Variants in SREK1IP1 observed in about 807,000 individuals in gnomAD.
The protein encoded by SREK1IP1 is protein SREK1IP1.
SREK1IP1 carries 12 observed loss-of-function variants against 22.8 expected under a neutral mutation model. The observed-to-expected ratio is 0.53, with a 90% CI of 0.34 to 0.85. SREK1IP1 has a LOEUF of 0.85. SREK1IP1 is among the 40% of genes least tolerant of loss of function. The pLI, the probability that SREK1IP1 is intolerant of heterozygous loss-of-function variation, is 0.02. For synonymous variants in SREK1IP1, 53 were observed against 52.7 expected, an observed-to-expected ratio of 1.01 and a Z score of -0.02; for missense variants, 147 against 171.8, an observed-to-expected ratio of 0.86 and a Z score of 0.81.
intron 3 of SREK1IP1, among the ~76,000 whole-genome samples, chr5:64,737,508 A>C (rs1227152026): frequency 2.0e-5 from 1 of 49,642 alleles, no homozygotes; most frequent in Admixed American, 2.0e-4. Context: ...TCATACTGTC[A>C]AAAAAAAAAA....
At chr5:64,759,624 C>G (rs1002288547) in intron 1 of SREK1IP1, among the ~76,000 whole-genome samples, 1 of 152,018 alleles carries the variant, frequency 6.6e-6, no homozygotes, top group Non-Finnish European at 1.5e-5. Flanking sequence ...CAAAAAAGAG[C>G]AATTATCCCT....
intron 4 of SREK1IP1, among the ~76,000 whole-genome samples, chr5:64,725,485 C>T (rs1409801253): frequency 6.6e-6 from 1 of 152,088 alleles, no homozygotes; most frequent in African/African-American, 2.4e-5. Context: ...AAATCTGAGA[C>T]GGATATAAAG....
At chr5:64,751,894 T>TAA (rs1486587034) in intron 2 of SREK1IP1, among the ~76,000 whole-genome samples, 51 of 152,160 alleles carry the variant, frequency 3.4e-4, no homozygotes, top group Non-Finnish European at 1.3e-4. Flanking sequence ...TATATTTATG[T>TAA]AAAATGTTAA....
At chr5:64,749,511 A>G (rs1742705702) in intron 2 of SREK1IP1, among the ~76,000 whole-genome samples, 1 of 151,550 alleles carries the variant, frequency 6.6e-6, no homozygotes, top group South Asian at 2.1e-4. Flanking sequence ...ATCTTAGCTC[A>G]CTACAACCTC....
At chr5:64,728,035 A>G in intron 4 of SREK1IP1, 72 bp downstream of exon 4, 1 of 1,130,546 alleles carries the variant, frequency 8.8e-7, no homozygotes, top group Non-Finnish European at 1.1e-6. Context: ...TTATACACAA[A>G]AAATAAAATT....
intron 3 of SREK1IP1, among the ~76,000 whole-genome samples, chr5:64,730,107 CAAG>C (rs771755260): frequency 3.0e-4 from 46 of 152,062 alleles, no homozygotes; most frequent in African/African-American, 9.9e-4. Flanking sequence ...CTGAGAAGAG[CAAG>C]AAGAAGAGCT....
chr5:64,720,935 C>G lies in SREK1IP1; in HGVS notation c.*3449G>C, dbSNP rs1331728221. On this transcript the variant is annotated 3_prime_UTR_variant, in exon 5 of 5. Coordinates refer to ENST00000513458, the MANE Select transcript of SREK1IP1 (RefSeq NM_173829.4). ...ATGGTAGTCTCAATTCTTACCACTT[C>G]CTGCCTCGCCTATGATACACCAGCA... 10 of 152,256 alleles carry G rather than the reference C, an allele frequency of 6.6e-5. No individual in the cohort carries two copies. The highest frequency in any genetic ancestry group is 4.6e-4 in the Admixed American group (7 of 15,288). The allele number at this position is 152,256 out of a possible 1,614,324, so 9.4% of individuals were successfully genotyped here.
chr5:64,718,154 ATCAT>A lies in SREK1IP1; in HGVS notation c.*6226_*6229del, dbSNP rs1561379564. ...AAAGCAAGACACAGCTGCATTTTTG[ATCAT>A]TCAGTTACTTTATTAAACGCACATT... On this transcript the variant is annotated 3_prime_UTR_variant, in exon 5 of 5. Transcript: ENST00000513458. The A allele has an allele frequency of 6.0e-6, 4 of 663,542 alleles. No homozygotes were observed. Among genetic ancestry groups the A allele is most frequent in the Non-Finnish European group, 6.9e-6 (3 of 437,468 alleles). 41.1% of individuals were successfully genotyped at this position (663,542 alleles called of 1,614,324 possible). A position where few individuals can be genotyped will look rare whatever the true frequency, so the allele number is the denominator to read the frequency against.
At position 64,768,497 on chromosome 5, in the gene SREK1IP1, C is replaced by T. The variant is rs761370493; in HGVS notation, c.13+8G>A. 2 of 1,614,086 alleles carry T rather than the reference C, an allele frequency of 1.2e-6. No homozygotes were observed. Among genetic ancestry groups the T allele is most frequent in the African/African-American group, 2.7e-5 (2 of 74,938 alleles). On this transcript the variant is annotated splice_region_variant and intron_variant, in intron 1 of 4. Coordinates refer to ENST00000513458, the MANE Select transcript of SREK1IP1 (RefSeq NM_173829.4). The stretch of plus-strand genomic sequence containing the variant: ...CTCGGACGCAGAGGCCCTGTAATTG[C>T]TCCTTACCTGGGACTGCCATGACGG...
At chr5:64,744,766 T>C (rs927396126) in intron 2 of SREK1IP1, among the ~76,000 whole-genome samples, 2 of 152,224 alleles carry the variant, frequency 1.3e-5, no homozygotes, top group Non-Finnish European at 2.9e-5. Context: ...TTTTTAACAT[T>C]AATTTCTTAG....
At chr5:64,755,330 G>C (rs983240567) in intron 1 of SREK1IP1, among the ~76,000 whole-genome samples, 1 of 152,096 alleles carries the variant, frequency 6.6e-6, no homozygotes, top group African/African-American at 2.4e-5. Flanking sequence ...ATCAATGGTG[G>C]ATTAAAGAAA....
chr5:64,755,243 CA>C (rs1434115310), intron 1 of SREK1IP1, among the ~76,000 whole-genome samples: 1 of 151,462 alleles, frequency 6.6e-6, no homozygotes, highest in Non-Finnish European at 1.5e-5. Context: ...ATCATTTTAC[CA>C]AAAAGAAACA....
chr5:64,763,058 A>AAT (rs1742977523), intron 1 of SREK1IP1, among the ~76,000 whole-genome samples: 1 of 150,910 alleles, frequency 6.6e-6, no homozygotes, highest in Non-Finnish European at 1.5e-5. Flanking sequence ...TCTCCAAATA[A>AAT]ATATATATAT....
intron 3 of SREK1IP1, among the ~76,000 whole-genome samples, chr5:64,740,265 A>G (rs1247992218): frequency 6.6e-6 from 1 of 152,098 alleles, no homozygotes; most frequent in Non-Finnish European, 1.5e-5. Flanking sequence ...TCTCCTGGAA[A>G]AAAAATAAAT....
intron 3 of SREK1IP1, 30 bp from the exon 4 acceptor site, chr5:64,728,209 C>A: frequency 7.4e-7 from 1 of 1,352,610 alleles, no homozygotes; most frequent in Non-Finnish European, 9.6e-7. Context: ...AGAAAAAAAT[C>A]TGGTTAATAT....
intron 3 of SREK1IP1, among the ~76,000 whole-genome samples, chr5:64,734,171 A>G (rs144734557): frequency 3.7e-4 from 57 of 152,224 alleles, no homozygotes; most frequent in African/African-American, 1.4e-3. Context: ...TTAATCTACA[A>G]TATTCTCAAA....
chr5:64,725,716 T>G (rs1742250649), intron 4 of SREK1IP1, among the ~76,000 whole-genome samples: 1 of 152,178 alleles, frequency 6.6e-6, no homozygotes, highest in African/African-American at 2.4e-5. Context: ...CCCTTGCCTC[T>G]TCAGTTGTTA....
intron 1 of SREK1IP1, among the ~76,000 whole-genome samples, chr5:64,758,964 C>T (rs890956116): frequency 6.6e-6 from 1 of 152,168 alleles, no homozygotes; most frequent in Admixed American, 6.5e-5. Flanking sequence ...ATTGTCTGGG[C>T]AACTGAATGC....
At position 64,768,607 on chromosome 5, in the gene SREK1IP1, G is replaced by A. The variant is rs867984271; in HGVS notation, c.-90C>T. ...GTGAGAACAAGGCACAGTCAAAGCGGCGTTTTCCTTCCCCCAGCGCAGCAG... is the reference window on the plus strand; with the variant it reads ...GTGAGAACAAGGCACAGTCAAAGCGACGTTTTCCTTCCCCCAGCGCAGCAG... On this transcript the variant is annotated 5_prime_UTR_variant, in exon 1 of 5. Transcript: ENST00000513458. The A allele has an allele frequency of 7.5e-6, 12 of 1,595,254 alleles. 1 individual carries two copies. The Admixed American group carries it at 1.4e-4, about 18-fold the overall frequency.
Sources: allele counts gnomAD v4.1 joint callset (sites outside exome capture counted in the v4.1 genomes callset), GRCh38; gene constraint gnomAD v4.1.1; transcripts MANE v1.5; gene names NCBI Gene and HGNC (gene_info 2026-07-23, HGNC 2026-07-21).